Variants in PCDH9 observed in about 807,000 individuals in gnomAD.
The protein encoded by PCDH9 is protocadherin-9.
In PCDH9, 24 loss-of-function variants were observed where a neutral mutation model predicts 70.6. The ratio of observed to expected loss-of-function variants is 0.34; its 90% CI spans 0.25 to 0.48. PCDH9 has a LOEUF of 0.48. Ranked by LOEUF, PCDH9 falls within the 20% of genes least tolerant of loss-of-function variation. PCDH9 has a pLI of 0.99. For synonymous variants in PCDH9, 562 were observed against 558.5 expected (o/e 1.01, Z -0.09); for missense variants, 1,281 against 1,503.6 (o/e 0.85, Z 2.45).
intron 4 of PCDH9, among the ~76,000 whole-genome samples, chr13:66,486,288 G>GAAA (rs142741988): frequency 0.19 from 29,357 of 151,634 alleles, 3,353 homozygotes; most frequent in African/African-American, 0.32. Flanking sequence ...CAAAAAACAA[G>GAAA]AACAATTAGC....
chr13:66,843,429 T>G (rs1408326690), intron 3 of PCDH9, among the ~76,000 whole-genome samples: 1 of 152,138 alleles, frequency 6.6e-6, no homozygotes, highest in Non-Finnish European at 1.5e-5. Context: ...CAGTCTAAAC[T>G]TATTAAAATT....
intron 4 of PCDH9, among the ~76,000 whole-genome samples, chr13:66,505,672 C>T (rs545621929): frequency 8.4e-4 from 127 of 151,698 alleles, no homozygotes; most frequent in Non-Finnish European, 1.6e-3. Context: ...TTTATAAAAT[C>T]ATCAGATCTC....
chr13:66,689,871 T>G (rs761362445), intron 3 of PCDH9, among the ~76,000 whole-genome samples: 1 of 152,160 alleles, frequency 6.6e-6, no homozygotes, highest in South Asian at 2.1e-4. Context: ...GGCACAGACT[T>G]GAGTTTTATT....
At chr13:67,180,808 C>A (rs1454789866) in intron 2 of PCDH9, among the ~76,000 whole-genome samples, 1 of 152,116 alleles carries the variant, frequency 6.6e-6, no homozygotes, top group African/African-American at 2.4e-5. Flanking sequence ...TTTTCTTTGG[C>A]TTGTCTTGTT....
intron 4 of PCDH9, among the ~76,000 whole-genome samples, chr13:66,593,957 CA>C (rs2077069879): frequency 1.3e-5 from 2 of 151,314 alleles, no homozygotes; most frequent in Admixed American, 1.3e-4. Flanking sequence ...AGTCTTTAAT[CA>C]TTAGTTTTTT....
In PCDH9 at chr13:66,408,050, C is replaced by CTTTT. The variant is rs34109335; in HGVS notation, c.3341-103026_3341-103023dup. 4.2e-4 allele frequency among the ~76,000 whole-genome samples: 56 copies of CTTTT among 132,214 alleles called. 1 individual carries two copies. The highest frequency in any genetic ancestry group is 1.6e-3 in the East Asian group (7 of 4,410). The allele number at this position is 132,214 out of a possible 152,430, so 86.7% of individuals were successfully genotyped here. A position where few individuals can be genotyped will look rare whatever the true frequency, so the allele number is the denominator to read the frequency against. Reference sequence around the variant, plus strand: ...AACAAAGTTTTATCAGCAGGGATCACTTTTTTTTTTTTTTTTTTTGAGACG... The same window carrying CTTTT: ...AACAAAGTTTTATCAGCAGGGATCACTTTTTTTTTTTTTTTTTTTTTTTGAGACG... On this transcript the variant is annotated intron_variant, in intron 4 of 4. Transcript: ENST00000377865.
chr13:66,536,720 G>C (rs1408232427), intron 4 of PCDH9, among the ~76,000 whole-genome samples: 1 of 148,642 alleles, frequency 6.7e-6, no homozygotes, highest in Non-Finnish European at 1.5e-5. Flanking sequence ...AAATGTATAT[G>C]CTAAATGAAT....
chr13:66,664,079 C>T (rs2078058780), intron 3 of PCDH9, among the ~76,000 whole-genome samples: 1 of 152,138 alleles, frequency 6.6e-6, no homozygotes, highest in Non-Finnish European at 1.5e-5. Context: ...GTTTCCTATC[C>T]CTTTTGCCAC....
chr13:66,430,617 C>G (rs904569148), intron 4 of PCDH9, among the ~76,000 whole-genome samples: 1 of 152,038 alleles, frequency 6.6e-6, no homozygotes, highest in African/African-American at 2.4e-5. Context: ...AGGGTCCTGC[C>G]ATCAAGGGTG....
At chr13:66,549,674 T>C (rs1025210899) in intron 4 of PCDH9, among the ~76,000 whole-genome samples, 7 of 152,110 alleles carry the variant, frequency 4.6e-5, no homozygotes, top group Admixed American at 1.3e-4. Context: ...AAATATTAGG[T>C]ATATCTTCGG....
chr13:67,126,936 G>A (rs557468787), intron 2 of PCDH9, among the ~76,000 whole-genome samples: 6 of 152,256 alleles, frequency 3.9e-5, no homozygotes, highest in African/African-American at 1.4e-4. Flanking sequence ...AATATCCTTA[G>A]TGTCTTCCAG....
intron 3 of PCDH9, among the ~76,000 whole-genome samples, chr13:66,808,477 C>G (rs2080446013): frequency 6.6e-6 from 1 of 151,862 alleles, no homozygotes; most frequent in Non-Finnish European, 1.5e-5. Flanking sequence ...AATAGGGCAA[C>G]TTGTTCCCAA....
rs1955400815 is a variant in PCDH9, at chr13:66,303,242, A to T, written c.*1413T>A. On this transcript the variant is annotated 3_prime_UTR_variant, in exon 5 of 5. Transcript: ENST00000377865. Reference sequence around the variant, plus strand: ...TTAAATCATCTGTCATGCCTTAACAAAAACCTCCTAAGAATGTTCGAATTT... The same window carrying T: ...TTAAATCATCTGTCATGCCTTAACATAAACCTCCTAAGAATGTTCGAATTT... The T allele has an allele frequency of 6.6e-6, 1 of 152,384 alleles. No homozygotes were observed. The highest frequency in any genetic ancestry group is 2.1e-4 in the South Asian group (1 of 4,824). The allele number at this position is 152,384 out of a possible 1,614,324, so 9.4% of individuals were successfully genotyped here.
intron 4 of PCDH9, among the ~76,000 whole-genome samples, chr13:66,586,647 G>A (rs944685603): frequency 2.0e-5 from 3 of 152,066 alleles, no homozygotes; most frequent in Admixed American, 6.6e-5. Context: ...TAATTGGCCC[G>A]AGGAAGGGAA....
chr13:66,515,680 T>C (rs539456015), intron 4 of PCDH9, among the ~76,000 whole-genome samples: 5 of 152,024 alleles, frequency 3.3e-5, no homozygotes, highest in African/African-American at 1.2e-4. Flanking sequence ...AAATCTTTCA[T>C]AATTATAAAA....
At chr13:66,362,805 T>C (rs796623314) in intron 4 of PCDH9, among the ~76,000 whole-genome samples, 23 of 152,282 alleles carry the variant, frequency 1.5e-4, no homozygotes, top group African/African-American at 5.3e-4. Flanking sequence ...TATCAGGCTC[T>C]AATTGTAGCC....
intron 2 of PCDH9, among the ~76,000 whole-genome samples, chr13:67,198,145 A>G (rs1189229455): frequency 6.6e-6 from 1 of 151,756 alleles, no homozygotes; most frequent in Non-Finnish European, 1.5e-5. Context: ...AAACAAAAGC[A>G]CAAATATTAG....
intron 4 of PCDH9, among the ~76,000 whole-genome samples, chr13:66,586,103 C>A (rs1221101561): frequency 6.6e-6 from 1 of 152,028 alleles, no homozygotes; most frequent in Non-Finnish European, 1.5e-5. Flanking sequence ...TGAGAGGATA[C>A]CCTTGTTAAC....
At chr13:67,033,549 G>A (rs947202432) in intron 2 of PCDH9, among the ~76,000 whole-genome samples, 1 of 152,078 alleles carries the variant, frequency 6.6e-6, no homozygotes, top group African/African-American at 2.4e-5. Context: ...GTTGCTTTAC[G>A]TGTCTTTCTG....
Sources: gnomAD v4.1 joint callset for allele counts (sites outside exome capture counted in the v4.1 genomes callset) on GRCh38, gnomAD v4.1.1 for gene constraint, MANE v1.5 for transcripts, NCBI Gene and HGNC (gene_info 2026-07-23, HGNC 2026-07-21) for gene names.